The following CEP41 variants were observed in gnomAD, a reference collection of about 807,000 sequenced individuals.
The protein encoded by CEP41 is centrosomal protein 41, also known as centrosomal protein of 41 kDa.
CEP41 carries 32 observed loss-of-function variants against 44.3 expected under a neutral mutation model. That is an observed-to-expected ratio of 0.72 (90% CI 0.54 to 0.97). The LOEUF (loss-of-function observed/expected upper bound fraction) is 0.97. Ranked by LOEUF, CEP41 falls within the 50% of genes least tolerant of loss-of-function variation. CEP41 has a pLI of 0.00. For missense variants in CEP41, 432 were observed against 455.2 expected, an observed-to-expected ratio of 0.95 and a Z score of 0.46; for synonymous variants, 151 against 168.5, an observed-to-expected ratio of 0.90 and a Z score of 0.80.
chr7:130,397,089 G>C lies in CEP41; in HGVS notation c.*1802C>G, dbSNP rs1554414997. The C allele has an allele frequency of 2.2e-6, 1 of 454,486 alleles. No individual in the cohort carries two copies. 28.2% of individuals were successfully genotyped at this position (454,486 alleles called of 1,614,324 possible). ...ATGGCTGAAAATCTTGTCCATGCTA[G>C]GGGAAAGCTGAGTGTGGAAAAATGT... On this transcript the variant is annotated 3_prime_UTR_variant, in exon 11 of 11. Transcript: ENST00000223208.
chr7:130,438,260 C>T (rs1177257530), intron 1 of CEP41, among the ~76,000 whole-genome samples: 4 of 152,082 alleles, frequency 2.6e-5, no homozygotes, highest in African/African-American at 9.7e-5. Context: ...AGATCTCTAT[C>T]AAAATAGTAA....
At position 130,397,723 on chromosome 7, in the gene CEP41, G is replaced by C. The variant is rs1554415418; in HGVS notation, c.*1168C>G. On this transcript the variant is annotated 3_prime_UTR_variant, in exon 11 of 11. Transcript: ENST00000223208. ...CACCGCTCTTTTCCATCTGATTTCA[G>C]AGTTCCTCATCCTTACCTGAGGCCT... The C allele has an allele frequency of 4.4e-6, 2 of 454,122 alleles. No individual in the cohort carries two copies. Among genetic ancestry groups the C allele is most frequent in the Middle Eastern group, 6.9e-4 (1 of 1,442 alleles). 28.1% of individuals were successfully genotyped at this position (454,122 alleles called of 1,614,324 possible). A position where few individuals can be genotyped will look rare whatever the true frequency, so the allele number is the denominator to read the frequency against.
chr7:130,412,186 G>A lies in CEP41; in HGVS notation c.200C>T (p.Ala67Val), dbSNP rs782426353. ...LFKRLKVTTF[A>V]QLIIQVASLS... ...AAAAATCAAGAAACTTACCAGCTGG[G>A]CAAAAGTTGTAACTTTTAGTCTCTT... The change falls in exon 4 of 11, where the codon GCC (alanine) becomes GTC (valine). Residue 67 changes from alanine (A) to valine (V), a missense_variant. Physicochemically the swap from Ala to Val is moderately conservative, Grantham distance 64. Coordinates refer to ENST00000223208, the MANE Select transcript of CEP41 (RefSeq NM_018718.3). 1.3e-6 allele frequency: 2 copies of A among 1,544,200 alleles called. No individual in the cohort carries two copies.
Position 130,396,106 on chromosome 7 carries a change from CT to C in CEP41, c.*2784del, listed in dbSNP as rs782736262. The C allele has an allele frequency of 5.5e-5, 25 of 452,126 alleles. No homozygotes were observed. In the East Asian group the frequency reaches 6.3e-4, roughly 11 times the overall value. 28.0% of individuals were successfully genotyped at this position (452,126 alleles called of 1,614,324 possible). On this transcript the variant is annotated 3_prime_UTR_variant, in exon 11 of 11. Transcript: ENST00000223208. ...TCTTTCTCCCTTCCTTTCTTTTTTT[CT>C]TTTCTCCCTTCCTTAAACACAAACC... is the stretch of plus-strand genomic sequence containing the variant.
At position 130,410,041 on chromosome 7, in the gene CEP41, T is replaced by G. The variant is rs896010780; in HGVS notation, c.277+1081A>C. Reference sequence around the variant, plus strand: ...CTACCTCGGTCTTCTTTTTTTTTTTTTTGAGACAGAGTCTTGCTGTGTTGC... The same window carrying G: ...CTACCTCGGTCTTCTTTTTTTTTTTGTTGAGACAGAGTCTTGCTGTGTTGC... On this transcript the variant is annotated intron_variant, in intron 5 of 10. Transcript: ENST00000223208. Among the ~76,000 whole-genome samples, 9 of 151,044 alleles carry G rather than the reference T, an allele frequency of 6.0e-5. No individual in the cohort carries two copies. The East Asian group carries it at 1.7e-3, about 29-fold the overall frequency.
At chr7:130,436,155 A>AAAAACAAAAC (rs782280430) in intron 1 of CEP41, among the ~76,000 whole-genome samples, 2 of 152,220 alleles carry the variant, frequency 1.3e-5, no homozygotes, top group African/African-American at 4.8e-5. Context: ...CTCCGTCTCA[A>AAAAACAAAAC]AAAACAAAAC....
Position 130,398,660 on chromosome 7 carries a change from G to A in CEP41, c.*231C>T. The A allele has an allele frequency of 1.4e-6, 1 of 715,170 alleles. No individual in the cohort carries two copies. The highest frequency in any genetic ancestry group is 1.4e-5 in the South Asian group (1 of 70,386). The allele number at this position is 715,170 out of a possible 1,614,324, so 44.3% of individuals were successfully genotyped here. ...TTAAATATGCTGTAAACAACAGGGAGGAGACTAGAGCCTGTCACACCTCTG... is the reference window on the plus strand; with the variant it reads ...TTAAATATGCTGTAAACAACAGGGAAGAGACTAGAGCCTGTCACACCTCTG... On this transcript the variant is annotated 3_prime_UTR_variant, in exon 11 of 11. Coordinates refer to ENST00000223208, the MANE Select transcript of CEP41 (RefSeq NM_018718.3).
chr7:130,440,782 G>GCC, intron 1 of CEP41, 152 bp downstream of exon 1: 1 of 531,118 alleles, frequency 1.9e-6, no homozygotes, highest in South Asian at 1.7e-5. Context: ...CCCAAGCCCG[G>GCC]CCCGCCCCGC....
intron 4 of CEP41, chr7:130,411,935 TA>T (rs1797193668): frequency 2.4e-6 from 1 of 417,806 alleles, no homozygotes; most frequent in Admixed American, 4.1e-5. Context: ...ACCACAAGTT[TA>T]ATGAATTAAA....
At position 130,394,926 on chromosome 7, in the gene CEP41, T is replaced by C. The variant is rs781992723; in HGVS notation, c.*3965A>G. The C allele has an allele frequency of 6.2e-5, 28 of 454,004 alleles. No individual in the cohort carries two copies. The highest frequency in any genetic ancestry group is 1.1e-4 in the Non-Finnish European group (26 of 226,800). 28.1% of individuals were successfully genotyped at this position (454,004 alleles called of 1,614,324 possible). A position where few individuals can be genotyped will look rare whatever the true frequency, so the allele number is the denominator to read the frequency against. ...AGTGGCCTCTCTTTGCCTCACATTT[T>C]ACCAGGTGCTTCAGGATGTTACACA... On this transcript the variant is annotated 3_prime_UTR_variant, in exon 11 of 11. Coordinates refer to ENST00000223208, the MANE Select transcript of CEP41 (RefSeq NM_018718.3).
rs181175845 is a variant in CEP41 at position 130,438,365 on chromosome 7, A to G, written c.33+2569T>C. ...TTTGAGCTCAAAAGTTTGAGACCAG[A>G]CTGGGCAACATGGTAAAACCGCATC... On this transcript the variant is annotated intron_variant, in intron 1 of 10. Coordinates refer to ENST00000223208, the MANE Select transcript of CEP41 (RefSeq NM_018718.3). Among the ~76,000 whole-genome samples, 25 of 152,196 alleles carry G rather than the reference A, an allele frequency of 1.6e-4. No homozygotes were observed. In the East Asian group the frequency reaches 4.8e-3, roughly 29 times the overall value.
At chr7:130,419,509 T>C (rs1218047928) in intron 2 of CEP41, 1 of 984,590 alleles carries the variant, frequency 1.0e-6, no homozygotes, top group Non-Finnish European at 1.2e-6. Context: ...ATTTCATAAT[T>C]CACTTATTTA....
At chr7:130,423,212 T>A (rs1554422659) in intron 2 of CEP41, among the ~76,000 whole-genome samples, 3 of 152,132 alleles carry the variant, frequency 2.0e-5, no homozygotes, top group Admixed American at 2.0e-4. Context: ...CCTCCCAAAG[T>A]GCTGGGATTA....
intron 5 of CEP41, among the ~76,000 whole-genome samples, chr7:130,410,700 G>A (rs1412849608): frequency 6.6e-6 from 1 of 152,098 alleles, no homozygotes; most frequent in East Asian, 1.9e-4. Flanking sequence ...TGCCACCTTA[G>A]TAATTTTGTG....
In CEP41 at chr7:130,397,506, ATTTTTTTT is replaced by A. The variant is rs55776575; in HGVS notation, c.*1377_*1384del. Reference sequence around the variant, plus strand: ...CCCCATGCTAGAAATACTGTGGTGCATTTTTTTTTTTTTTTTTTTTTTTTTTTGGTGGC... The same window carrying A: ...CCCCATGCTAGAAATACTGTGGTGCATTTTTTTTTTTTTTTTTTTGGTGGC... On this transcript the variant is annotated 3_prime_UTR_variant, in exon 11 of 11. Coordinates refer to ENST00000223208, the MANE Select transcript of CEP41 (RefSeq NM_018718.3). 276 of 303,146 alleles carry A rather than the reference ATTTTTTTT, an allele frequency of 9.1e-4. No individual in the cohort carries two copies. The highest frequency in any genetic ancestry group is 1.5e-3 in the East Asian group (15 of 10,040). 18.8% of individuals were successfully genotyped at this position (303,146 alleles called of 1,614,324 possible).
intron 6 of CEP41, among the ~76,000 whole-genome samples, chr7:130,403,016 C>T (rs955419211): frequency 1.3e-5 from 2 of 152,198 alleles, no homozygotes; most frequent in African/African-American, 2.4e-5. Flanking sequence ...AGGAGACCCA[C>T]ATGTCCACAC....
intron 2 of CEP41, chr7:130,421,601 C>A: frequency 1.0e-6 from 1 of 994,284 alleles, no homozygotes; most frequent in Non-Finnish European, 1.2e-6. Flanking sequence ...AAAAGTAAAG[C>A]CTAAAGAAGA....
chr7:130,427,535 C>T (rs1445964183), intron 2 of CEP41, among the ~76,000 whole-genome samples: 2 of 152,088 alleles, frequency 1.3e-5, no homozygotes, highest in African/African-American at 2.4e-5. Context: ...TGGTCCATAA[C>T]TTGCCATATG....
At chr7:130,410,398 A>G (rs782102151) in intron 5 of CEP41, among the ~76,000 whole-genome samples, 1 of 152,006 alleles carries the variant, frequency 6.6e-6, no homozygotes, top group Non-Finnish European at 1.5e-5. Flanking sequence ...CTCCCACAAC[A>G]TCCTGCATCT....
Sources: allele counts gnomAD v4.1 joint callset (sites outside exome capture counted in the v4.1 genomes callset), GRCh38; gene constraint gnomAD v4.1.1; transcripts MANE v1.5; gene names NCBI Gene and HGNC (gene_info 2026-07-23, HGNC 2026-07-21).